The following EPG5 variants were observed in gnomAD, a reference collection of about 807,000 sequenced individuals.
EPG5 encodes ectopic P-granules 5 autophagy tethering factor, also known as ectopic P granules protein 5 homolog.
EPG5 carries 159 observed loss-of-function variants against 302.7 expected under a neutral mutation model. The ratio of observed to expected loss-of-function variants is 0.53; its 90% CI spans 0.46 to 0.60. The LOEUF (loss-of-function observed/expected upper bound fraction) is 0.60, where lower values mean the gene tolerates loss of function less well. Among genes scored for constraint, EPG5 ranks in the 20% least tolerant of loss-of-function variants. The pLI is 0.00. For missense variants in EPG5, 2,896 were observed against 3,092.4 expected (o/e 0.94, Z 1.51); for synonymous variants, 1,158 against 1,136.8 (o/e 1.02, Z -0.37).
At chr18:45,929,094 G>A (rs1469358878) in intron 12 of EPG5, 85 bp from the exon 13 acceptor site, 1 of 1,359,004 alleles carries the variant, frequency 7.4e-7, no homozygotes, top group Non-Finnish European at 1.0e-6. Context: ...TTCAAGCAAA[G>A]CAGAAAGAAT....
rs1392575107 is a variant in EPG5, at chr18:45,912,371, G to T, written c.3902C>A (p.Thr1301Lys). 4 of 1,611,616 alleles carry T rather than the reference G, an allele frequency of 2.5e-6. No individual in the cohort carries two copies. The highest frequency in any genetic ancestry group is 1.3e-5 in the African/African-American group (1 of 74,708). The stretch of plus-strand genomic sequence containing the variant: ...TGGCAGGAGGGGGTGATCAGAAGGT[G>T]TGACCAGAGCCTGGTGGGCCCAGCG... ...IYRWAHQALV[T>K]PSDHPLLPLI... The change falls in exon 22 of 44, where the codon ACA (threonine) becomes AAA (lysine). Residue 1301 changes from threonine to lysine, a missense_variant. Thr to Lys is a moderately conservative substitution (Grantham distance 78). Transcript: ENST00000282041.
In EPG5 at chr18:45,962,031, T is replaced by A. The variant is rs115425141; in HGVS notation, c.63+5146A>T. 6.9e-3 allele frequency among the ~76,000 whole-genome samples: 1,057 copies of A among 152,098 alleles called. 9 individuals carry two copies. The highest frequency in any genetic ancestry group is 0.024 in the African/African-American group (993 of 41,494). ...TGCTTGTTTTTTGTCTTCTCCCTCTTGAATGTTAAGCTCCACTAAGGCCAG... is the reference window on the plus strand; with the variant it reads ...TGCTTGTTTTTTGTCTTCTCCCTCTAGAATGTTAAGCTCCACTAAGGCCAG... On this transcript the variant is annotated intron_variant, in intron 1 of 43. Coordinates refer to ENST00000282041, the MANE Select transcript of EPG5 (RefSeq NM_020964.3).
Position 45,913,090 on chromosome 18 carries a change from C to CA in EPG5, c.3816+615dup, listed in dbSNP as rs34356703. Among the ~76,000 whole-genome samples the CA allele has an allele frequency of 4.3e-3, 468 of 108,298 alleles. 2 individuals carry two copies. The highest frequency in any genetic ancestry group is 9.1e-3 in the African/African-American group (295 of 32,254). 71.0% of individuals were successfully genotyped at this position (108,298 alleles called of 152,430 possible). On this transcript the variant is annotated intron_variant, in intron 21 of 43. Coordinates refer to ENST00000282041, the MANE Select transcript of EPG5 (RefSeq NM_020964.3). ...CGGGCGACAGGGCAAGACTCTGTCT[C>CA]AAAAAAAAAAAAAAGAAAAAGAAAA...
the EPG5 span, among the ~76,000 whole-genome samples, chr18:45,831,743 C>A: frequency 6.8e-6 from 1 of 146,756 alleles, no homozygotes; most frequent in Non-Finnish European, 1.5e-5. Context: ...GTACCAACAT[C>A]TTTTTTTTTT....
chr18:45,870,788 TAA>T lies in EPG5; in HGVS notation c.6050-48_6050-47del, dbSNP rs11334955. Reference sequence around the variant, plus strand: ...AGAGCTGAAGACCTTTGGTTTACCTTAAAAAAAAAAAAAAAAAGCAAATTTGA... The same window carrying T: ...AGAGCTGAAGACCTTTGGTTTACCTTAAAAAAAAAAAAAAAGCAAATTTGA... On this transcript the variant is annotated intron_variant, in intron 35 of 43. Coordinates refer to ENST00000282041, the MANE Select transcript of EPG5 (RefSeq NM_020964.3). The T allele has an allele frequency of 0.15, 138,633 of 941,236 alleles. 7 individuals are homozygous for T. Among genetic ancestry groups the T allele is most frequent in the East Asian group, 0.24 (7,971 of 32,716 alleles). 58.3% of individuals were successfully genotyped at this position (941,236 alleles called of 1,614,324 possible). A position where few individuals can be genotyped will look rare whatever the true frequency, so the allele number is the denominator to read the frequency against.
Position 45,923,343 on chromosome 18 carries a change from T to G in EPG5, c.2763A>C (p.Leu921Phe). 6.2e-7 allele frequency: 1 copy of G among 1,614,010 alleles called. No individual in the cohort carries two copies. The highest frequency in any genetic ancestry group is 1.7e-4 in the Middle Eastern group (1 of 6,060). Residue 921 changes from leucine (L) to phenylalanine (F), a missense_variant, in exon 15 of 44, where the codon TTA becomes TTC. This residue lies in a region of EPG5 where 1,390 missense variants were observed against 1,430.0 expected (regional missense o/e 0.97). Coordinates refer to ENST00000282041, the MANE Select transcript of EPG5 (RefSeq NM_020964.3). ...LDQAVHAEVA[L>F]MVLEAYQKYL... ...ACTTCTGATAAGCTTCAAGAACCAT[T>G]AAAGCCACTTCAGCATGGACTGCTT...
chr18:45,881,011 A>G (rs1366740368), intron 31 of EPG5, among the ~76,000 whole-genome samples: 1 of 152,188 alleles, frequency 6.6e-6, no homozygotes, highest in African/African-American at 2.4e-5. Context: ...AGAAGGTGGC[A>G]GTGACATCAG....
chr18:45,866,753 A>G (rs1372246615), intron 38 of EPG5, 45 bp downstream of exon 38: 6 of 1,472,878 alleles, frequency 4.1e-6, no homozygotes, highest in Non-Finnish European at 5.7e-6. Context: ...GCTGCTACCA[A>G]TCTCCAGGAA....
intron 37 of EPG5, among the ~76,000 whole-genome samples, chr18:45,867,309 G>T (rs1408786810): frequency 6.6e-6 from 1 of 152,180 alleles, no homozygotes; most frequent in Non-Finnish European, 1.5e-5. Flanking sequence ...ACAAGAGATT[G>T]AAGTAGATAT....
chr18:45,928,626 T>C (rs1260251322), intron 13 of EPG5, among the ~76,000 whole-genome samples: 1 of 152,226 alleles, frequency 6.6e-6, no homozygotes, highest in Non-Finnish European at 1.5e-5. Context: ...AAATATGTTA[T>C]TGAACGAGGT....
the EPG5 span, among the ~76,000 whole-genome samples, chr18:45,811,098 C>G: frequency 3.3e-5 from 5 of 152,130 alleles, no homozygotes; most frequent in Non-Finnish European, 5.9e-5. Flanking sequence ...CCTCTGAGAA[C>G]TGAAACAAGA....
intron 13 of EPG5, among the ~76,000 whole-genome samples, chr18:45,927,211 T>C (rs937323202): frequency 2.8e-4 from 43 of 151,984 alleles, no homozygotes; most frequent in Non-Finnish European, 1.6e-4. Context: ...TTGTTTTTTT[T>C]TCCATTTTTA....
chr18:45,865,724 C>G lies in EPG5; in HGVS notation c.6657G>C (p.Gln2219His), dbSNP rs1172883917. 59 of 1,609,490 alleles carry G rather than the reference C, an allele frequency of 3.7e-5. No homozygotes were observed. Among genetic ancestry groups the G allele is most frequent in the Non-Finnish European group, 4.9e-5 (58 of 1,179,174 alleles). ...CCAGGGTGCTGAGGAATTGAACCAT[C>G]TGATGAGTAAAAGCTTGGCATTTTG... ...AVPKCQAFTH[Q>H]MVQFLSTLEQ... Residue 2219 changes from glutamine to histidine, a missense_variant, in exon 39 of 44, where the codon CAG (glutamine) becomes CAC (histidine). By Grantham distance (24) the Gln-to-His change is conservative (BLOSUM62 0). Around this residue, in one of 5 missense-constraint regions of EPG5, gnomAD observed 620 missense variants for 704.2 expected, o/e 0.88. Transcript: ENST00000282041.
Position 45,917,813 on chromosome 18 carries a change from C to T in EPG5, c.3105G>A (p.Glu1035=), listed in dbSNP as rs768829232. 4 of 1,614,032 alleles carry T rather than the reference C, an allele frequency of 2.5e-6. No homozygotes were observed. The highest frequency in any genetic ancestry group is 1.1e-5 in the South Asian group (1 of 91,054). Residue 1035 remains glutamate (E), a synonymous_variant, in exon 17 of 44, where the codon GAG becomes GAA. Coordinates refer to ENST00000282041, the MANE Select transcript of EPG5 (RefSeq NM_020964.3). ...GTGGGATGCCTTCTGCACAGAACTT[C>T]TCAATGCTATGGAAAAAGAGAAAGG... ...LSMTAVGHSI[E]KFCAEGIPLL...
chr18:45,820,977 C>G, the EPG5 span, among the ~76,000 whole-genome samples: 3 of 152,170 alleles, frequency 2.0e-5, no homozygotes, highest in African/African-American at 4.8e-5. Flanking sequence ...CAATGAAAAC[C>G]AGGGATCATC....
At chr18:45,804,924 T>C in the EPG5 span, among the ~76,000 whole-genome samples, 1 of 152,098 alleles carries the variant, frequency 6.6e-6, no homozygotes, top group Non-Finnish European at 1.5e-5. Context: ...ATGGTAATCA[T>C]AACACAAAGG....
chr18:45,953,778 C>T, intron 2 of EPG5: 4 of 985,354 alleles, frequency 4.1e-6, no homozygotes, highest in Non-Finnish European at 4.8e-6. Flanking sequence ...CATCCTGGAG[C>T]TAGGAATCAG....
chr18:45,829,486 G>A, the EPG5 span, among the ~76,000 whole-genome samples: 1 of 152,216 alleles, frequency 6.6e-6, no homozygotes, highest in Non-Finnish European at 1.5e-5. Context: ...AGGAGGGGAA[G>A]GGCTGAGCTG....
At position 45,858,083 on chromosome 18, in the gene EPG5, G is replaced by A. The variant is rs755680208; in HGVS notation, c.7227-15C>T. The A allele has an allele frequency of 1.8e-5, 28 of 1,596,020 alleles. No individual in the cohort carries two copies. Among genetic ancestry groups the A allele is most frequent in the African/African-American group, 2.7e-5 (2 of 74,378 alleles). ...CCTCCACGGAGCTAGGGGAGGCACCGGAGGAAAATAAAATTAGAAGTAAAT... is the reference window on the plus strand; with the variant it reads ...CCTCCACGGAGCTAGGGGAGGCACCAGAGGAAAATAAAATTAGAAGTAAAT... On this transcript the variant is annotated splice_polypyrimidine_tract_variant and intron_variant, in intron 41 of 43. Coordinates refer to ENST00000282041, the MANE Select transcript of EPG5 (RefSeq NM_020964.3).
Sources: allele counts gnomAD v4.1 joint callset (sites outside exome capture counted in the v4.1 genomes callset), GRCh38; gene constraint gnomAD v4.1.1; regional missense constraint gnomAD v4.1.1; transcripts MANE v1.5; gene names NCBI Gene and HGNC (gene_info 2026-07-23, HGNC 2026-07-21).